Variants in TRIM75 observed in about 807,000 individuals in gnomAD.
The protein encoded by TRIM75 is tripartite motif-containing protein 75.
At chr4:165,055,613 G>C in the TRIM75 span, among the ~76,000 whole-genome samples, 1 of 144,996 alleles carries the variant, frequency 6.9e-6, no homozygotes, top group Non-Finnish European at 1.6e-5. Flanking sequence ...AGAGGCGTTT[G>C]ATACTGAGTC....
the TRIM75 span, chr4:165,059,271 C>T: frequency 1.3e-6 from 1 of 780,552 alleles, no homozygotes; most frequent in African/African-American, 1.7e-5. Flanking sequence ...CTGCATCCAA[C>T]AGTCCTGGCT....
At chr4:165,054,558 TG>T in the TRIM75 span, among the ~76,000 whole-genome samples, 15 of 151,982 alleles carry the variant, frequency 9.9e-5, no homozygotes, top group Admixed American at 7.9e-4. Context: ...TGAGCCACCG[TG>T]CCTGGCCCAT....
the TRIM75 span, among the ~76,000 whole-genome samples, chr4:165,056,602 C>CTTTTTTTTTTTT: frequency 2.9e-4 from 20 of 69,996 alleles, no homozygotes; most frequent in Non-Finnish European, 4.9e-4. Context: ...GTCTCTGTCT[C>CTTTTTTTTTTTT]TTTTTTTTTT....
At chr4:165,060,200 G>A in the TRIM75 span, 1 of 780,880 alleles carries the variant, frequency 1.3e-6, no homozygotes, top group Non-Finnish European at 2.4e-6. Flanking sequence ...GGCATTTCTG[G>A]GAGATTGAAG....
At chr4:165,058,270 G>A in the TRIM75 span, among the ~76,000 whole-genome samples, 3 of 152,102 alleles carry the variant, frequency 2.0e-5, no homozygotes, top group Admixed American at 1.3e-4. Flanking sequence ...GTGGCTCAAG[G>A]ATTCCTCCTG....
At chr4:165,059,298 T>C in the TRIM75 span, 5 of 780,536 alleles carry the variant, frequency 6.4e-6, no homozygotes, top group Non-Finnish European at 9.6e-6. Flanking sequence ...ACAGGAATTG[T>C]TCCCTTGCCC....
chr4:165,059,719 A>T, the TRIM75 span: 2 of 780,958 alleles, frequency 2.6e-6, no homozygotes, highest in Non-Finnish European at 4.8e-6. Flanking sequence ...GAGCACCTCA[A>T]CCAGTTTTTA....
chr4:165,057,121 T>C, the TRIM75 span, among the ~76,000 whole-genome samples: 1 of 152,312 alleles, frequency 6.6e-6, no homozygotes, highest in African/African-American at 2.4e-5. Context: ...TTGTATAGAA[T>C]GTATGTTACA....
At chr4:165,059,184 G>A in the TRIM75 span, 6 of 779,846 alleles carry the variant, frequency 7.7e-6, no homozygotes, top group Admixed American at 6.8e-5. Context: ...ACTCCAAGCA[G>A]AAGCTAAGTG....
At chr4:165,058,536 G>A in the TRIM75 span, among the ~76,000 whole-genome samples, 1 of 152,040 alleles carries the variant, frequency 6.6e-6, no homozygotes, top group Admixed American at 6.6e-5. Flanking sequence ...TTTTAATTTG[G>A]GTGGTCTCTA....
At chr4:165,056,294 A>C in the TRIM75 span, among the ~76,000 whole-genome samples, 2 of 116,972 alleles carry the variant, frequency 1.7e-5, no homozygotes, top group African/African-American at 4.0e-5. Flanking sequence ...GTTAATAAAA[A>C]TGATTTTTTT....
At chr4:165,054,413 A>G in the TRIM75 span, among the ~76,000 whole-genome samples, 4 of 151,918 alleles carry the variant, frequency 2.6e-5, no homozygotes, top group East Asian at 3.9e-4. Flanking sequence ...GACTACAGGC[A>G]TGTGCCACCA....
At chr4:165,056,602 CTTTTTTTTTT>C in the TRIM75 span, among the ~76,000 whole-genome samples, 82 of 69,988 alleles carry the variant, frequency 1.2e-3, no homozygotes, top group East Asian at 2.3e-3. Context: ...GTCTCTGTCT[CTTTTTTTTTT>C]TTTTTTTTTT....
the TRIM75 span, among the ~76,000 whole-genome samples, chr4:165,054,544 G>T: frequency 6.6e-6 from 1 of 152,110 alleles, no homozygotes; most frequent in Non-Finnish European, 1.5e-5. Context: ...TGGGATTATA[G>T]GTGTGAGCCA....
At chr4:165,057,723 A>T in the TRIM75 span, among the ~76,000 whole-genome samples, 1 of 152,000 alleles carries the variant, frequency 6.6e-6, no homozygotes, top group Non-Finnish European at 1.5e-5. Flanking sequence ...TAGTAGCGAC[A>T]AGGTTTTGCC....
chr4:165,056,908 C>T, the TRIM75 span, among the ~76,000 whole-genome samples: 5 of 152,046 alleles, frequency 3.3e-5, no homozygotes, highest in Non-Finnish European at 7.4e-5. Context: ...TGAGCCACTG[C>T]GCCCGGCCAA....
At chr4:165,056,408 G>T in the TRIM75 span, among the ~76,000 whole-genome samples, 1 of 151,794 alleles carries the variant, frequency 6.6e-6, no homozygotes, top group East Asian at 1.9e-4. Context: ...CTTCAGGACT[G>T]TCCCTTCACT....
At chr4:165,060,497 C>T in the TRIM75 span, 1 of 778,804 alleles carries the variant, frequency 1.3e-6, no homozygotes, top group South Asian at 1.3e-5. Context: ...GGCCTTATTT[C>T]TATGTAGGAC....
chr4:165,059,366 G>C, the TRIM75 span: 2 of 780,730 alleles, frequency 2.6e-6, no homozygotes, highest in Non-Finnish European at 4.8e-6. Context: ...AGCTGGGAAG[G>C]ATGATTGAAA....
Sources: gnomAD v4.1 joint callset for allele counts (sites outside exome capture counted in the v4.1 genomes callset) on GRCh38, gnomAD v4.1.1 for gene constraint, MANE v1.5 for transcripts, NCBI Gene and HGNC (gene_info 2026-07-23, HGNC 2026-07-21) for gene names.